The following CSMD1 variants were observed in gnomAD, a reference collection of about 807,000 sequenced individuals.
CSMD1 encodes CUB and Sushi multiple domains 1.
CSMD1 carries 213 observed loss-of-function variants against 417.5 expected under a neutral mutation model. The ratio of observed to expected loss-of-function variants is 0.51; its 90% CI spans 0.46 to 0.57. CSMD1 has a LOEUF of 0.57. Ranked by LOEUF, CSMD1 falls within the 20% of genes least tolerant of loss-of-function variation. The probability of loss-of-function intolerance (pLI) is 0.00; values close to 1 mark genes in which losing one functional copy is unlikely to be tolerated. For synonymous variants in CSMD1, 2,862 were observed against 1,736.8 expected, an observed-to-expected ratio of 1.65 and a Z score of -16.11; for missense variants, 6,923 against 4,529.7, an observed-to-expected ratio of 1.53 and a Z score of -15.17.
rs1437580936 is a variant in CSMD1, at chr8:3,534,505, G to C, written c.1344+40440C>G. ...GCTCAGCGATAAGTAGATATTTTTGGCTTTCTCAATTACAAAAAAAAAAAA... is the reference window on the plus strand; with the variant it reads ...GCTCAGCGATAAGTAGATATTTTTGCCTTTCTCAATTACAAAAAAAAAAAA... On this transcript the variant is annotated intron_variant, in intron 10 of 69. Coordinates refer to ENST00000635120, the MANE Select transcript of CSMD1 (RefSeq NM_033225.6). Among the ~76,000 whole-genome samples the C allele has an allele frequency of 4.9e-5, 7 of 142,560 alleles. No homozygotes were observed. In the East Asian group the frequency reaches 1.4e-3, roughly 29 times the overall value. The allele number at this position is 142,560 out of a possible 152,430, so 93.5% of individuals were successfully genotyped here.
chr8:3,357,284 C>T (rs1165899877), intron 21 of CSMD1, among the ~76,000 whole-genome samples: 3 of 152,202 alleles, frequency 2.0e-5, no homozygotes, highest in Admixed American at 6.5e-5. Flanking sequence ...GAGTTGCAGG[C>T]TCCCTGGGTT....
At chr8:4,725,116 G>C (rs1271855663) in intron 1 of CSMD1, among the ~76,000 whole-genome samples, 1 of 151,766 alleles carries the variant, frequency 6.6e-6, no homozygotes, top group South Asian at 2.1e-4. Flanking sequence ...TATCCTGAAA[G>C]GTATATATGT....
chr8:4,964,138 T>C (rs1809692475), intron 1 of CSMD1, among the ~76,000 whole-genome samples: 1 of 152,060 alleles, frequency 6.6e-6, no homozygotes, highest in Non-Finnish European at 1.5e-5. Flanking sequence ...TATCTTCACA[T>C]TCTTTCCAAA....
chr8:3,765,173 C>T lies in CSMD1; in HGVS notation c.819-11131G>A, dbSNP rs527522455. 5.9e-5 allele frequency among the ~76,000 whole-genome samples: 9 copies of T among 152,234 alleles called. No individual in the cohort carries two copies. In the East Asian group the frequency reaches 1.4e-3, roughly 23 times the overall value. ...GTTTCTAGCCTCATTTCTTATCACG[C>T]CCTTTCGTGAACCTTGTGTTCTGCC... On this transcript the variant is annotated intron_variant, in intron 5 of 69. Transcript: ENST00000635120.
chr8:2,968,818 T>C (rs901990766), intron 57 of CSMD1, among the ~76,000 whole-genome samples: 2 of 152,190 alleles, frequency 1.3e-5, no homozygotes, highest in African/African-American at 4.8e-5. Flanking sequence ...AAGTTTAAAC[T>C]TTGCCATATT....
At chr8:4,562,509 G>C (rs993372475) in intron 2 of CSMD1, among the ~76,000 whole-genome samples, 1 of 152,156 alleles carries the variant, frequency 6.6e-6, no homozygotes, top group Non-Finnish European at 1.5e-5. Context: ...CAAACCTGGA[G>C]TCAGTAAGAA....
intron 7 of CSMD1, among the ~76,000 whole-genome samples, chr8:3,685,043 G>C (rs1181496046): frequency 1.3e-5 from 2 of 152,058 alleles, no homozygotes; most frequent in African/African-American, 2.4e-5. Context: ...CATCATCCAA[G>C]CCCAGTTTTT....
At chr8:4,281,666 T>C (rs1459143463) in intron 3 of CSMD1, among the ~76,000 whole-genome samples, 3 of 152,246 alleles carry the variant, frequency 2.0e-5, no homozygotes, top group Admixed American at 6.5e-5. Flanking sequence ...TAATTCTATA[T>C]AGTAACATCT....
intron 5 of CSMD1, among the ~76,000 whole-genome samples, chr8:3,770,563 T>C (rs900180220): frequency 2.6e-5 from 4 of 151,822 alleles, no homozygotes; most frequent in African/African-American, 4.8e-5. Flanking sequence ...AGAAAGAACA[T>C]AATAGGAACA....
chr8:3,849,013 T>G (rs1007043214), intron 5 of CSMD1, among the ~76,000 whole-genome samples: 1 of 151,810 alleles, frequency 6.6e-6, no homozygotes, highest in Non-Finnish European at 1.5e-5. Context: ...ATACAGAAGG[T>G]TCTCTGCTCA....
At chr8:3,802,871 G>A (rs1800533371) in intron 5 of CSMD1, among the ~76,000 whole-genome samples, 3 of 152,000 alleles carry the variant, frequency 2.0e-5, no homozygotes, top group Admixed American at 2.0e-4. Context: ...TAGATGATGT[G>A]GTCTTTAAAA....
At chr8:4,192,794 A>C (rs948938856) in intron 3 of CSMD1, among the ~76,000 whole-genome samples, 1 of 152,172 alleles carries the variant, frequency 6.6e-6, no homozygotes, top group African/African-American at 2.4e-5. Flanking sequence ...TTCAGGCTCA[A>C]ACACAACCTC....
At chr8:4,815,154 C>T (rs915228129) in intron 1 of CSMD1, among the ~76,000 whole-genome samples, 5 of 151,984 alleles carry the variant, frequency 3.3e-5, no homozygotes, top group South Asian at 2.1e-4. Context: ...AGAGTTGGAA[C>T]GTGTAATAAT....
chr8:3,619,853 A>G (rs1167425525), intron 7 of CSMD1, among the ~76,000 whole-genome samples: 1 of 152,196 alleles, frequency 6.6e-6, no homozygotes, highest in Non-Finnish European at 1.5e-5. Context: ...TTTAATTCCA[A>G]CACTTTGGGA....
intron 5 of CSMD1, among the ~76,000 whole-genome samples, chr8:3,920,801 C>T (rs762801762): frequency 3.3e-5 from 5 of 152,042 alleles, no homozygotes; most frequent in Admixed American, 1.3e-4. Flanking sequence ...TTAAAACAAC[C>T]TTGCATCCCA....
chr8:3,720,367 G>A (rs1049212805), intron 6 of CSMD1, among the ~76,000 whole-genome samples: 1 of 152,186 alleles, frequency 6.6e-6, no homozygotes, highest in Admixed American at 6.5e-5. Flanking sequence ...TACTGCTTCT[G>A]CCTTTTCTAT....
chr8:3,427,611 T>C (rs925990602), intron 12 of CSMD1, among the ~76,000 whole-genome samples: 2 of 152,222 alleles, frequency 1.3e-5, no homozygotes, highest in South Asian at 2.1e-4. Context: ...GACCATACTC[T>C]GCAAATCTAG....
chr8:3,273,986 C>T (rs1802076079), intron 26 of CSMD1, among the ~76,000 whole-genome samples: 2 of 151,220 alleles, frequency 1.3e-5, no homozygotes, highest in Non-Finnish European at 3.0e-5. Context: ...AATGTGTTTG[C>T]TCTTGCTTTT....
chr8:3,826,891 A>C (rs1055347993), intron 5 of CSMD1, among the ~76,000 whole-genome samples: 4 of 152,086 alleles, frequency 2.6e-5, no homozygotes, highest in Non-Finnish European at 5.9e-5. Flanking sequence ...AGTTCAACCC[A>C]TTCTCCCACC....
Sources: gnomAD v4.1 joint callset for allele counts (sites outside exome capture counted in the v4.1 genomes callset) on GRCh38, gnomAD v4.1.1 for gene constraint, MANE v1.5 for transcripts, NCBI Gene and HGNC (gene_info 2026-07-23, HGNC 2026-07-21) for gene names.